Variants in SEC23IP observed in about 807,000 individuals in gnomAD.
SEC23IP encodes SEC23-interacting protein.
Under a neutral mutation model 113.4 loss-of-function variants are expected in SEC23IP, and 70 were observed. The observed-to-expected ratio is 0.62, with a 90% CI of 0.51 to 0.75. The LOEUF (loss-of-function observed/expected upper bound fraction) is 0.75, where lower values mean the gene tolerates loss of function less well. SEC23IP is among the 30% of genes least tolerant of loss of function. The probability of loss-of-function intolerance (pLI) is 0.00; values close to 1 mark genes in which losing one functional copy is unlikely to be tolerated. For synonymous variants in SEC23IP, 398 were observed against 421.0 expected (o/e 0.95, Z 0.67); for missense variants, 1,160 against 1,204.9 (o/e 0.96, Z 0.55).
chr10:119,910,744 C>G (rs1402410694), intron 5 of SEC23IP, among the ~76,000 whole-genome samples: 5 of 152,082 alleles, frequency 3.3e-5, no homozygotes, highest in Non-Finnish European at 7.4e-5. Context: ...AGTGCAGTGG[C>G]CAATCACAAC....
At chr10:119,901,207 G>A (rs1430226484) in intron 2 of SEC23IP, among the ~76,000 whole-genome samples, 2 of 151,646 alleles carry the variant, frequency 1.3e-5, no homozygotes, top group African/African-American at 2.4e-5. Context: ...CGGTATTGCT[G>A]TGTTGCTCAT....
chr10:119,900,459 G>A (rs1854443237), intron 2 of SEC23IP, among the ~76,000 whole-genome samples: 1 of 151,852 alleles, frequency 6.6e-6, no homozygotes, highest in Non-Finnish European at 1.5e-5. Flanking sequence ...ACAGGCACAT[G>A]CTGCCATACC....
intron 6 of SEC23IP, 81 bp from the exon 7 acceptor site, chr10:119,914,649 A>G: frequency 9.1e-7 from 1 of 1,095,558 alleles, no homozygotes; most frequent in South Asian, 1.3e-5. Flanking sequence ...TGATGACGAA[A>G]GGGATATCTA....
intron 4 of SEC23IP, among the ~76,000 whole-genome samples, chr10:119,906,965 AG>A (rs1443040896): frequency 6.6e-6 from 1 of 151,354 alleles, no homozygotes; most frequent in South Asian, 2.1e-4. Context: ...TTATATTTGA[AG>A]TTTTTTTTTT....
chr10:119,909,987 C>G (rs2134475466), intron 5 of SEC23IP, among the ~76,000 whole-genome samples: 1 of 152,242 alleles, frequency 6.6e-6, no homozygotes. Context: ...TAATTTTTTT[C>G]ACTTGATCAG....
chr10:119,930,539 G>C, intron 15 of SEC23IP, 108 bp downstream of exon 15: 2 of 598,718 alleles, frequency 3.3e-6, no homozygotes, highest in Admixed American at 6.0e-5. Flanking sequence ...TATTATTTAA[G>C]TGCCTACTAT....
intron 2 of SEC23IP, among the ~76,000 whole-genome samples, chr10:119,901,634 A>G (rs1255157773): frequency 2.0e-5 from 3 of 152,136 alleles, no homozygotes; most frequent in Non-Finnish European, 4.4e-5. Flanking sequence ...GTACACACCA[A>G]TTTCCTATTT....
Position 119,904,166 on chromosome 10 carries a change from T to G in SEC23IP, c.990T>G (p.Ala330=). 1 of 1,614,230 alleles carries G rather than the reference T, an allele frequency of 6.2e-7. No individual in the cohort carries two copies. Among genetic ancestry groups the G allele is most frequent in the Non-Finnish European group, 8.5e-7 (1 of 1,180,044 alleles). Residue 330 remains alanine (A), a synonymous_variant, in exon 4 of 19, where the codon GCT becomes GCG. Coordinates refer to ENST00000369075, the MANE Select transcript of SEC23IP (RefSeq NM_007190.4). ...ACCTCTATGACCGAATAAGGAAGGCTGCCTACTGGGAAGAGGAGCCAGCCG... is the reference window on the plus strand; with the variant it reads ...ACCTCTATGACCGAATAAGGAAGGCGGCCTACTGGGAAGAGGAGCCAGCCG... ...DVYLYDRIRK[A]AYWEEEPAEV... is the part of the protein sequence containing the mutation.
chr10:119,906,081 G>T (rs1032333082), intron 4 of SEC23IP, among the ~76,000 whole-genome samples: 1 of 151,858 alleles, frequency 6.6e-6, no homozygotes, highest in Admixed American at 6.6e-5. Flanking sequence ...TTCCAGACCA[G>T]CCTGGACAAC....
At chr10:119,933,428 GAAATGCC>G (rs1191045493) in intron 17 of SEC23IP, among the ~76,000 whole-genome samples, 1 of 152,158 alleles carries the variant, frequency 6.6e-6, no homozygotes, top group Non-Finnish European at 1.5e-5. Flanking sequence ...TAGGGACTTT[GAAATGCC>G]ATTCTTTCCT....
At chr10:119,919,423 T>C (rs372843144) in intron 10 of SEC23IP, 21 bp from the exon 11 acceptor site, 153 of 1,580,830 alleles carry the variant, frequency 9.7e-5, no homozygotes, top group South Asian at 1.6e-4. Context: ...TGTAATGTTT[T>C]TCATACTTTT....
chr10:119,893,693 T>G (rs1298685366), intron 1 of SEC23IP, among the ~76,000 whole-genome samples: 5 of 151,862 alleles, frequency 3.3e-5, no homozygotes, highest in African/African-American at 1.2e-4. Context: ...CTAATTTTTG[T>G]ATTTGTAGTA....
intron 18 of SEC23IP, among the ~76,000 whole-genome samples, chr10:119,934,381 A>G (rs1288983555): frequency 6.6e-6 from 1 of 152,246 alleles, no homozygotes; most frequent in Non-Finnish European, 1.5e-5. Context: ...TCTAATGTCC[A>G]ATATCTCCAG....
chr10:119,911,830 T>G (rs760687056), intron 5 of SEC23IP, among the ~76,000 whole-genome samples: 15 of 152,228 alleles, frequency 9.9e-5, no homozygotes, highest in Non-Finnish European at 1.9e-4. Flanking sequence ...TGTATAATTT[T>G]CAACATAAGC....
At chr10:119,898,291 G>C (rs200091402) in intron 1 of SEC23IP, 136 bp from the exon 2 acceptor site, 2 of 663,142 alleles carry the variant, frequency 3.0e-6, no homozygotes, top group African/African-American at 6.1e-5. Context: ...AGAAAAAACT[G>C]TTTTTTTCTG....
At chr10:119,905,964 C>T (rs1025133865) in intron 4 of SEC23IP, among the ~76,000 whole-genome samples, 6 of 151,918 alleles carry the variant, frequency 3.9e-5, no homozygotes, top group African/African-American at 1.2e-4. Flanking sequence ...CACTGAAGAA[C>T]GTAAAAGGTG....
At chr10:119,926,332 G>A (rs1325417646) in intron 13 of SEC23IP, 105 bp downstream of exon 13, 42 of 1,197,358 alleles carry the variant, frequency 3.5e-5, no homozygotes, top group Non-Finnish European at 4.7e-5. Flanking sequence ...ACATTTATTT[G>A]TGATGTGGAA....
At chr10:119,929,112 A>G (rs549713994) in intron 13 of SEC23IP, among the ~76,000 whole-genome samples, 1 of 152,370 alleles carries the variant, frequency 6.6e-6, no homozygotes, top group East Asian at 1.9e-4. Context: ...AGTTTTAACC[A>G]TATTTATAAC....
chr10:119,915,504 T>C (rs1424259869), intron 7 of SEC23IP, among the ~76,000 whole-genome samples: 2 of 152,114 alleles, frequency 1.3e-5, no homozygotes, highest in Admixed American at 6.6e-5. Flanking sequence ...CCAGCAGTGG[T>C]GGTTAAACTG....
Sources: allele counts gnomAD v4.1 joint callset (sites outside exome capture counted in the v4.1 genomes callset), GRCh38; gene constraint gnomAD v4.1.1; transcripts MANE v1.5; gene names NCBI Gene and HGNC (gene_info 2026-07-23, HGNC 2026-07-21).